GOLM1: variants seen among roughly 807,000 people sequenced by gnomAD.
GOLM1 encodes epididymis luminal protein 46.
A neutral mutation model predicts 50.5 loss-of-function variants in GOLM1; 31 were observed. That is an observed-to-expected ratio of 0.61 (90% CI 0.46 to 0.83). GOLM1 has a LOEUF of 0.83. GOLM1 is among the 40% of genes least tolerant of loss of function. The probability of loss-of-function intolerance (pLI) is 0.00; values close to 1 mark genes in which losing one functional copy is unlikely to be tolerated. For synonymous variants in GOLM1, 178 were observed against 192.8 expected (o/e 0.92, Z 0.64); for missense variants, 491 against 501.3 (o/e 0.98, Z 0.20).
chr9:86,073,222 GA>G (rs954087943), intron 3 of GOLM1, among the ~76,000 whole-genome samples: 90 of 140,146 alleles, frequency 6.4e-4, no homozygotes, highest in East Asian at 3.1e-3. Context: ...TGGAAGTTTA[GA>G]AAAAAAAAAA....
chr9:86,042,288 T>C (rs1461719186), intron 5 of GOLM1, among the ~76,000 whole-genome samples: 1 of 152,190 alleles, frequency 6.6e-6, no homozygotes, highest in Non-Finnish European at 1.5e-5. Flanking sequence ...AGGGGTGACA[T>C]GGTTGTCTGG....
intron 1 of GOLM1, among the ~76,000 whole-genome samples, chr9:86,089,820 TGGA>T (rs1050597268): frequency 2.0e-4 from 31 of 152,292 alleles, no homozygotes; most frequent in African/African-American, 6.3e-4. Context: ...TGTGATCCTT[TGGA>T]GGAGAAGAGG....
intron 6 of GOLM1, among the ~76,000 whole-genome samples, chr9:86,040,229 T>A (rs532811651): frequency 6.6e-6 from 1 of 152,270 alleles, no homozygotes; most frequent in African/African-American, 2.4e-5. Context: ...TATGGGTGAA[T>A]CATAGGGAAT....
chr9:86,037,866 C>G (rs1564341725), intron 6 of GOLM1, among the ~76,000 whole-genome samples: 1 of 152,038 alleles, frequency 6.6e-6, no homozygotes, highest in African/African-American at 2.4e-5. Flanking sequence ...AGTTAAAAAC[C>G]TGCCCCAGCC....
chr9:86,035,453 C>G lies in GOLM1; in HGVS notation c.930G>C (p.Gln310His). The stretch of plus-strand genomic sequence containing the variant: ...CAGGGCCCTCCATCTCTGGATTTTC[C>G]TGGCTCACTGACAGGGCAGCCTGCA... ...PQVQAALSVSQENPEMEGPER... is the reference protein window; with the variant it reads ...PQVQAALSVSHENPEMEGPER... Residue 310 changes from glutamine to histidine, a missense_variant, in exon 8 of 10, where the codon CAG becomes CAC. Gln to His is a conservative substitution (Grantham distance 24). Coordinates refer to ENST00000388712, the MANE Select transcript of GOLM1 (RefSeq NM_016548.4). 1 of 1,613,932 alleles carries G rather than the reference C, an allele frequency of 6.2e-7. No individual in the cohort carries two copies. The highest frequency in any genetic ancestry group is 8.5e-7 in the Non-Finnish European group (1 of 1,180,016).
rs752631357 is a variant in GOLM1 at position 86,052,528 on chromosome 9, G to A, written c.364+9C>T. 1.3e-4 allele frequency: 202 copies of A among 1,612,956 alleles called. No homozygotes were observed. Among genetic ancestry groups the A allele is most frequent in the Admixed American group, 7.7e-4 (46 of 59,974 alleles). Reference sequence around the variant, plus strand: ...CAGTGCCTGGTGTGGAGGAGCGAGCGGAACTTACCTTGCAGCACTCGGATG... The same window carrying A: ...CAGTGCCTGGTGTGGAGGAGCGAGCAGAACTTACCTTGCAGCACTCGGATG... On this transcript the variant is annotated intron_variant, in intron 4 of 9. Coordinates refer to ENST00000388712, the MANE Select transcript of GOLM1 (RefSeq NM_016548.4).
At chr9:86,061,357 G>A (rs928815085) in intron 3 of GOLM1, among the ~76,000 whole-genome samples, 1 of 152,160 alleles carries the variant, frequency 6.6e-6, no homozygotes, top group Admixed American at 6.5e-5. Context: ...AGAAGGGCAG[G>A]TCTTTGCTGC....
intron 1 of GOLM1, among the ~76,000 whole-genome samples, chr9:86,097,414 G>A (rs556831032): frequency 3.6e-4 from 55 of 151,892 alleles, no homozygotes; most frequent in African/African-American, 1.2e-3. Flanking sequence ...CTCACATTAC[G>A]TCACTGAAAA....
intron 6 of GOLM1, among the ~76,000 whole-genome samples, chr9:86,040,117 T>C (rs1482490568): frequency 2.0e-5 from 3 of 152,104 alleles, no homozygotes; most frequent in Non-Finnish European, 4.4e-5. Flanking sequence ...AACTAAGGGA[T>C]ACACGGTTTC....
intron 4 of GOLM1, among the ~76,000 whole-genome samples, chr9:86,049,735 G>C (rs981865657): frequency 6.6e-6 from 1 of 152,226 alleles, no homozygotes; most frequent in African/African-American, 2.4e-5. Flanking sequence ...AGACTTTGCT[G>C]AAGTTGCTTA....
rs58193076 is a variant in GOLM1, at chr9:86,076,421, CAAAAAAAAAAA to C, written c.309+980_309+990del. On this transcript the variant is annotated intron_variant, in intron 3 of 9. Transcript: ENST00000388712. ...GGACAACAAGAGGGAAACCCCATCTCAAAAAAAAAAAAAAAAAAAAAAAAAAAAAAAAAGCC... is the reference window on the plus strand; with the variant it reads ...GGACAACAAGAGGGAAACCCCATCTCAAAAAAAAAAAAAAAAAAAAAAGCC... Among the ~76,000 whole-genome samples, 5 of 23,324 alleles carry C rather than the reference CAAAAAAAAAAA, an allele frequency of 2.1e-4. No homozygotes were observed. In the East Asian group the frequency reaches 4.5e-3, roughly 21 times the overall value. 15.3% of individuals were successfully genotyped at this position (23,324 alleles called of 152,430 possible).
chr9:86,046,843 G>C (rs1190840225), intron 4 of GOLM1, among the ~76,000 whole-genome samples: 1 of 152,046 alleles, frequency 6.6e-6, no homozygotes, highest in Non-Finnish European at 1.5e-5. Context: ...CTTTTTGGCC[G>C]CTAGCCTTTA....
At chr9:86,095,088 A>G (rs200559249) in intron 1 of GOLM1, among the ~76,000 whole-genome samples, 2 of 149,056 alleles carry the variant, frequency 1.3e-5, no homozygotes, top group African/African-American at 5.0e-5. Flanking sequence ...AAAAAAAAAA[A>G]GAAAAAGAAA....
rs1017804367 is a variant in GOLM1, at chr9:86,027,303, C to T, written c.*514G>A. 4 of 985,652 alleles carry T rather than the reference C, an allele frequency of 4.1e-6. No individual in the cohort carries two copies. The highest frequency in any genetic ancestry group is 4.8e-6 in the Non-Finnish European group (4 of 830,088). 61.1% of individuals were successfully genotyped at this position (985,652 alleles called of 1,614,324 possible). ...TGTGTTAACAGTCAGTGCTCTAGGCCATTGATTGATTGATTGTCAGAATCA... is the reference window on the plus strand; with the variant it reads ...TGTGTTAACAGTCAGTGCTCTAGGCTATTGATTGATTGATTGTCAGAATCA... On this transcript the variant is annotated 3_prime_UTR_variant, in exon 10 of 10. Coordinates refer to ENST00000388712, the MANE Select transcript of GOLM1 (RefSeq NM_016548.4).
intron 8 of GOLM1, among the ~76,000 whole-genome samples, chr9:86,034,287 A>G (rs757575000): frequency 1.8e-4 from 27 of 152,250 alleles, no homozygotes; most frequent in Admixed American, 3.9e-4. Flanking sequence ...TTAAAAGTGC[A>G]CACCTGGAAA....
rs549662715 is a variant in GOLM1 at position 86,053,474 on chromosome 9, C to G, written c.310-883G>C. Among the ~76,000 whole-genome samples the G allele has an allele frequency of 2.3e-3, 329 of 146,096 alleles. 2 individuals are homozygous for G. The highest frequency in any genetic ancestry group is 3.7e-3 in the Non-Finnish European group (240 of 64,544). ...CCAAACCACATCACACCACACCACT[C>G]CATACCACACACATCACATACCACA... On this transcript the variant is annotated intron_variant, in intron 3 of 9. Transcript: ENST00000388712.
At chr9:86,056,682 T>C (rs1834000588) in intron 3 of GOLM1, among the ~76,000 whole-genome samples, 1 of 151,796 alleles carries the variant, frequency 6.6e-6, no homozygotes, top group African/African-American at 2.4e-5. Flanking sequence ...ATTTTTTTTA[T>C]TTTAGTAGAG....
intron 1 of GOLM1, among the ~76,000 whole-genome samples, chr9:86,086,812 G>T (rs1290346519): frequency 6.6e-6 from 1 of 152,072 alleles, no homozygotes; most frequent in Non-Finnish European, 1.5e-5. Context: ...ATTGGTCTAT[G>T]TATCTTTTTT....
At chr9:86,031,498 C>T (rs4610829) in intron 9 of GOLM1, among the ~76,000 whole-genome samples, 1 of 113,798 alleles carries the variant, frequency 8.8e-6, no homozygotes, top group Non-Finnish European at 1.7e-5. Flanking sequence ...TTTCACTCTT[C>T]TTGCCCAGGC....
Sources: gnomAD v4.1 joint callset for allele counts (sites outside exome capture counted in the v4.1 genomes callset) on GRCh38, gnomAD v4.1.1 for gene constraint, MANE v1.5 for transcripts, NCBI Gene and HGNC (gene_info 2026-07-23, HGNC 2026-07-21) for gene names.